Variants in STRBP observed in about 807,000 individuals in gnomAD.
STRBP encodes spermatid perinuclear RNA-binding protein.
Under a neutral mutation model 80.1 loss-of-function variants are expected in STRBP, and 13 were observed. The observed-to-expected ratio is 0.16, with a 90% CI of 0.11 to 0.26. STRBP has a LOEUF of 0.26. Among genes scored for constraint, STRBP ranks in the 10% least tolerant of loss-of-function variants. The pLI is 1.00. For missense variants in STRBP, 485 were observed against 815.2 expected (o/e 0.59, Z 4.93); for synonymous variants, 284 against 291.2 (o/e 0.98, Z 0.25).
intron 6 of STRBP, among the ~76,000 whole-genome samples, chr9:123,164,374 T>TA (rs1464824760): frequency 6.6e-6 from 1 of 152,120 alleles, no homozygotes; most frequent in Non-Finnish European, 1.5e-5. Flanking sequence ...GAAAATCTAT[T>TA]ACTCAGTAAC....
chr9:123,121,616 G>GTTTTTTTTTTT (rs55974272), downstream of STRBP: 2 of 132,582 alleles, frequency 1.5e-5, no homozygotes, highest in Non-Finnish European at 3.3e-5. Flanking sequence ...TTTTGTTTTT[G>GTTTTTTTTTTT]TTTTTTTTTT....
intron 2 of STRBP, among the ~76,000 whole-genome samples, chr9:123,212,119 C>T (rs2039731182): frequency 6.6e-6 from 1 of 152,088 alleles, no homozygotes; most frequent in Admixed American, 6.5e-5. Flanking sequence ...TATTAGAAAA[C>T]TCAACATTAG....
At position 123,192,079 on chromosome 9, in the gene STRBP, G is replaced by C. The variant is rs2038944999; in HGVS notation, c.-164-7781C>G. ...ATTGACTTTAAGGTTATTGGCCTGA[G>C]CAACTCAGTTAAGGAAGGTGCCAGG... is the stretch of plus-strand genomic sequence containing the variant. On this transcript the variant is annotated intron_variant, in intron 2 of 18. Coordinates refer to ENST00000348403, the MANE Select transcript of STRBP (RefSeq NM_018387.5). 1.3e-5 allele frequency among the ~76,000 whole-genome samples: 2 copies of C among 152,202 alleles called. 1 individual carries two copies. Among genetic ancestry groups the C allele is most frequent in the Non-Finnish European group, 2.9e-5 (2 of 68,034 alleles).
rs1295012507 is a variant in STRBP, at chr9:123,115,483, C to T, written c.*84+446G>A. On this transcript the variant is annotated intron_variant and NMD_transcript_variant, in intron 3 of 3. Coordinates refer to the STRBP transcript ENST00000471564. The surrounding 1 kb of genome is among the most constrained non-coding windows in gnomAD (Gnocchi z 5.0). ...CTGTTCAAATCCTCTGCACCTCTTT[C>T]TTCCCCTCCCTGTACTCTCCATCTG... 2.3e-6 allele frequency: 1 copy of T among 433,660 alleles called. No homozygotes were observed. Among genetic ancestry groups the T allele is most frequent in the African/African-American group, 2.0e-5 (1 of 49,212 alleles). 26.9% of individuals were successfully genotyped at this position (433,660 alleles called of 1,614,324 possible). A position where few individuals can be genotyped will look rare whatever the true frequency, so the allele number is the denominator to read the frequency against.
At chr9:123,266,578 A>C (rs956171443) in intron 1 of STRBP, among the ~76,000 whole-genome samples, 1 of 151,804 alleles carries the variant, frequency 6.6e-6, no homozygotes, top group Non-Finnish European at 1.5e-5. Flanking sequence ...TCTCAAACTC[A>C]AAGTGTTCCA....
chr9:123,166,751 C>CCAGCAACAACAACAA (rs1283878762), intron 6 of STRBP, among the ~76,000 whole-genome samples: 9 of 79,974 alleles, frequency 1.1e-4, no homozygotes, highest in African/African-American at 2.8e-4. Context: ...AAGACTGTCT[C>CCAGCAACAACAACAA]CAGCAACAAC....
chr9:123,160,569 G>T, intron 7 of STRBP, 107 bp from the exon 8 acceptor site: 1 of 617,190 alleles, frequency 1.6e-6, no homozygotes, highest in East Asian at 3.8e-5. Flanking sequence ...TCAGTTATCA[G>T]GCAAACAAAA....
chr9:123,225,860 T>C (rs368184639), intron 2 of STRBP, among the ~76,000 whole-genome samples: 2 of 152,196 alleles, frequency 1.3e-5, no homozygotes, highest in African/African-American at 4.8e-5. Context: ...ATTTGATAAA[T>C]GTGAAAAAAA....
chr9:123,181,667 G>C (rs1029301610), intron 3 of STRBP, among the ~76,000 whole-genome samples: 9 of 151,840 alleles, frequency 5.9e-5, no homozygotes, highest in Non-Finnish European at 1.2e-4. Flanking sequence ...ATGGTGGTTG[G>C]TGCATGCCTG....
chr9:123,174,948 G>A (rs2038157682), intron 4 of STRBP, among the ~76,000 whole-genome samples: 1 of 152,124 alleles, frequency 6.6e-6, no homozygotes, highest in South Asian at 2.1e-4. Context: ...CATATTTACA[G>A]GAGTTACAGT....
At chr9:123,266,098 C>T (rs2041260610) in intron 1 of STRBP, among the ~76,000 whole-genome samples, 1 of 152,172 alleles carries the variant, frequency 6.6e-6, no homozygotes, top group Non-Finnish European at 1.5e-5. Flanking sequence ...TGCTACTGGC[C>T]ACTGGGCCTG....
At chr9:123,116,743 C>T (rs757812860), downstream of STRBP, among the ~76,000 whole-genome samples, 4 of 152,168 alleles carry the variant, frequency 2.6e-5, no homozygotes, top group Non-Finnish European at 2.9e-5. Context: ...TGCCTACTAG[C>T]GACGCAAACC....
chr9:123,164,372 A>G (rs781523584), intron 6 of STRBP, among the ~76,000 whole-genome samples: 2 of 152,110 alleles, frequency 1.3e-5, no homozygotes, highest in Non-Finnish European at 1.5e-5. Context: ...AAGAAAATCT[A>G]TTACTCAGTA....
Position 123,124,608 on chromosome 9 carries a change from A to G in STRBP, c.*989T>C, listed in dbSNP as rs2035826130. 1.0e-6 allele frequency: 1 copy of G among 985,476 alleles called. No homozygotes were observed. The allele number at this position is 985,476 out of a possible 1,614,324, so 61.0% of individuals were successfully genotyped here. On this transcript the variant is annotated 3_prime_UTR_variant, in exon 19 of 19. Transcript: ENST00000348403. ...ATTGAAGAGGAAAGGAGACCCTTCA[A>G]TGAATCCCAGCAAAATCACTAATCT...
rs574199688 is a variant in STRBP, at chr9:123,134,612, T to A, written c.1773+1429A>T. Among the ~76,000 whole-genome samples the A allele has an allele frequency of 5.9e-5, 9 of 152,318 alleles. 1 individual carries two copies. The South Asian group carries it at 1.9e-3, about 32-fold the overall frequency. On this transcript the variant is annotated intron_variant, in intron 16 of 18. Transcript: ENST00000348403. ...AAAATGAGTGAACTTCATGTAGACA[T>A]CTTTCTTTTTTTAACATGACTTAGT... is the stretch of plus-strand genomic sequence containing the variant.
intron 1 of STRBP, among the ~76,000 whole-genome samples, chr9:123,248,461 G>A (rs1272324858): frequency 3.3e-5 from 5 of 151,260 alleles, no homozygotes; most frequent in African/African-American, 7.3e-5. Flanking sequence ...TAGTAGAGAC[G>A]GTGTTTTACC....
At chr9:123,193,404 T>C (rs1283598666) in intron 2 of STRBP, among the ~76,000 whole-genome samples, 2 of 152,212 alleles carry the variant, frequency 1.3e-5, no homozygotes, top group African/African-American at 4.8e-5. Context: ...ACAGGGAATT[T>C]CTGACTCGTC....
At chr9:123,176,102 C>T (rs1362504198) in intron 4 of STRBP, among the ~76,000 whole-genome samples, 1 of 152,216 alleles carries the variant, frequency 6.6e-6, no homozygotes, top group East Asian at 1.9e-4. Flanking sequence ...TGTTAACAAA[C>T]TTTGGCCAGA....
intron 1 of STRBP, among the ~76,000 whole-genome samples, chr9:123,267,318 T>C (rs2041290492): frequency 6.6e-6 from 1 of 151,716 alleles, no homozygotes; most frequent in Admixed American, 6.6e-5. Context: ...CTTCTCCCGC[T>C]ATCCTTTAAA....
Sources: allele counts gnomAD v4.1 joint callset (sites outside exome capture counted in the v4.1 genomes callset), GRCh38; gene constraint gnomAD v4.1.1; non-coding constraint Gnocchi (gnomAD v3.1); transcripts MANE v1.5; gene names NCBI Gene and HGNC (gene_info 2026-07-23, HGNC 2026-07-21).